The following RANBP2 variants were observed in gnomAD, a reference collection of about 807,000 sequenced individuals.
The protein encoded by RANBP2 is RAN binding protein 2, also known as E3 SUMO-protein ligase RanBP2.
RANBP2 carries 57 observed loss-of-function variants against 303.6 expected under a neutral mutation model. The observed-to-expected ratio is 0.19, with a 90% CI of 0.15 to 0.23. The LOEUF is 0.23. Among genes scored for constraint, RANBP2 ranks in the 10% least tolerant of loss-of-function variants. RANBP2 has a pLI of 1.00. For missense variants in RANBP2, 3,138 were observed against 3,780.8 expected, an observed-to-expected ratio of 0.83 and a Z score of 4.46; for synonymous variants, 1,167 against 1,301.5, an observed-to-expected ratio of 0.90 and a Z score of 2.23.
the RANBP2 span, among the ~76,000 whole-genome samples, chr2:109,632,553 C>T: frequency 3.3e-5 from 5 of 152,194 alleles, no homozygotes; most frequent in Non-Finnish European, 5.9e-5. Flanking sequence ...GTGGCTCACG[C>T]CTATAATCCC....
At chr2:108,924,477 G>A in the RANBP2 span, among the ~76,000 whole-genome samples, 3 of 152,218 alleles carry the variant, frequency 2.0e-5, no homozygotes, top group Non-Finnish European at 4.4e-5. Context: ...AACGTGAGCG[G>A]TGCCAACACT....
At chr2:109,164,151 A>G in the RANBP2 span, among the ~76,000 whole-genome samples, 1 of 152,164 alleles carries the variant, frequency 6.6e-6, no homozygotes, top group South Asian at 2.1e-4. Flanking sequence ...TGGTCCAGGA[A>G]AACTCTGATG....
intron 4 of RANBP2, among the ~76,000 whole-genome samples, chr2:108,732,919 G>A (rs1315742497): frequency 1.3e-5 from 2 of 152,176 alleles, no homozygotes; most frequent in South Asian, 2.1e-4. Flanking sequence ...CGCCTCCCAG[G>A]TTCAAGCGAT....
At chr2:108,760,688 T>G (rs1676672219) in intron 18 of RANBP2, among the ~76,000 whole-genome samples, 1 of 152,160 alleles carries the variant, frequency 6.6e-6, no homozygotes, top group Non-Finnish European at 1.5e-5. Context: ...CAAATGGCAG[T>G]TGGTAGTTTT....
the RANBP2 span, among the ~76,000 whole-genome samples, chr2:109,641,028 C>T: frequency 6.6e-6 from 1 of 152,152 alleles, no homozygotes; most frequent in Non-Finnish European, 1.5e-5. Flanking sequence ...CTAAAAAGTA[C>T]ATAACTACAA....
the RANBP2 span, among the ~76,000 whole-genome samples, chr2:109,409,521 C>T: frequency 6.0e-4 from 91 of 152,106 alleles, 3 homozygotes; most frequent in Admixed American, 4.3e-3. Flanking sequence ...GGAACTCCTA[C>T]GGGGGCAGGT....
the RANBP2 span, chr2:109,398,796 G>A: frequency 1.1e-5 from 18 of 1,613,590 alleles, no homozygotes; most frequent in African/African-American, 4.0e-5. Flanking sequence ...CCTTCACCGC[G>A]CTCAGTGTGA....
At chr2:108,763,181 A>C in intron 19 of RANBP2, 56 bp from the exon 20 acceptor site, 2 of 1,569,472 alleles carry the variant, frequency 1.3e-6, no homozygotes, top group Non-Finnish European at 1.8e-6. Context: ...GTTTGCATTT[A>C]GTTATCTGTA....
the RANBP2 span, among the ~76,000 whole-genome samples, chr2:109,524,509 C>T: frequency 6.7e-6 from 1 of 148,930 alleles, no homozygotes; most frequent in African/African-American, 2.5e-5. Context: ...GTAATCCCAG[C>T]GCTTTGGGAG....
At chr2:108,945,884 TG>T in the RANBP2 span, among the ~76,000 whole-genome samples, 1 of 152,188 alleles carries the variant, frequency 6.6e-6, no homozygotes, top group Non-Finnish European at 1.5e-5. Context: ...GAAAGTAGAA[TG>T]TGGGTTGCCA....
the RANBP2 span, among the ~76,000 whole-genome samples, chr2:109,704,056 C>A: frequency 6.6e-6 from 1 of 152,158 alleles, no homozygotes. Context: ...AATTAAATGA[C>A]CTCTCTGCCC....
At chr2:109,533,710 C>A in the RANBP2 span, among the ~76,000 whole-genome samples, 1 of 152,194 alleles carries the variant, frequency 6.6e-6, no homozygotes, top group African/African-American at 2.4e-5. Flanking sequence ...CCACTTAACC[C>A]ATGTCAAGCG....
the RANBP2 span, among the ~76,000 whole-genome samples, chr2:108,957,304 G>A: frequency 6.6e-6 from 1 of 152,202 alleles, no homozygotes; most frequent in East Asian, 1.9e-4. Flanking sequence ...AACGCCTCTT[G>A]TTTATGGGCA....
the RANBP2 span, among the ~76,000 whole-genome samples, chr2:108,842,451 G>C: frequency 2.6e-5 from 4 of 152,170 alleles, no homozygotes. Context: ...GAGAGAGAAA[G>C]GGACCTGTGG....
At chr2:108,778,232 A>T (rs1678016276) in intron 25 of RANBP2, among the ~76,000 whole-genome samples, 1 of 152,230 alleles carries the variant, frequency 6.6e-6, no homozygotes, top group South Asian at 2.1e-4. Context: ...CAGTACTCAC[A>T]TATCGGGAGG....
At chr2:109,704,616 G>A in the RANBP2 span, among the ~76,000 whole-genome samples, 5 of 152,104 alleles carry the variant, frequency 3.3e-5, no homozygotes, top group South Asian at 4.1e-4. Context: ...TTAGGAGGCC[G>A]AGGCAGGTGG....
chr2:109,076,324 C>T, the RANBP2 span, among the ~76,000 whole-genome samples: 1 of 150,634 alleles, frequency 6.6e-6, no homozygotes, highest in Admixed American at 6.6e-5. Context: ...AAGTCTATAA[C>T]TAACATCATA....
At chr2:109,679,124 C>T in the RANBP2 span, among the ~76,000 whole-genome samples, 1 of 152,246 alleles carries the variant, frequency 6.6e-6, no homozygotes, top group South Asian at 2.1e-4. Context: ...CTTCAGCACT[C>T]TGCCTGGGGA....
the RANBP2 span, among the ~76,000 whole-genome samples, chr2:109,558,433 G>A: frequency 3.9e-5 from 6 of 152,154 alleles, no homozygotes; most frequent in African/African-American, 9.7e-5. Flanking sequence ...CAATGACAGT[G>A]ATTTTGTGCT....
Sources: gnomAD v4.1 joint callset for allele counts (sites outside exome capture counted in the v4.1 genomes callset) on GRCh38, gnomAD v4.1.1 for gene constraint, MANE v1.5 for transcripts, NCBI Gene and HGNC (gene_info 2026-07-23, HGNC 2026-07-21) for gene names.